ATG4B: variants seen among roughly 807,000 people sequenced by gnomAD.
ATG4B encodes autophagy related 4B cysteine peptidase.
In ATG4B, 29 loss-of-function variants were observed where a neutral mutation model predicts 56.6. That is an observed-to-expected ratio of 0.51 (90% CI 0.38 to 0.70). The LOEUF (loss-of-function observed/expected upper bound fraction) is 0.70. Among genes scored for constraint, ATG4B ranks in the 30% least tolerant of loss-of-function variants. ATG4B has a pLI of 0.00. For synonymous variants in ATG4B, 224 were observed against 206.1 expected (o/e 1.09, Z -0.74); for missense variants, 461 against 515.5 (o/e 0.89, Z 1.02).
chr2:241,653,016 A>G (rs1249108917), intron 3 of ATG4B, among the ~76,000 whole-genome samples: 2 of 152,278 alleles, frequency 1.3e-5, no homozygotes, highest in East Asian at 1.9e-4. Context: ...GCGCAGTTCC[A>G]TGGTGCATGT....
chr2:241,673,150 G>GC lies in ATG4B; in HGVS notation c.*888dup. ...GCCTTGCTGAGAATTGCCCTCCCATGCCGCTGAGGTGTTAGGTGGTTTAGG... is the reference window on the plus strand; with the variant it reads ...GCCTTGCTGAGAATTGCCCTCCCATGCCCGCTGAGGTGTTAGGTGGTTTAGG... On this transcript the variant is annotated 3_prime_UTR_variant, in exon 13 of 13. Transcript: ENST00000404914. 1 of 188,684 alleles carries GC rather than the reference G, an allele frequency of 5.3e-6. No individual in the cohort carries two copies. The highest frequency in any genetic ancestry group is 1.3e-4 in the East Asian group (1 of 7,720). 11.7% of individuals were successfully genotyped at this position (188,684 alleles called of 1,614,324 possible). A position where few individuals can be genotyped will look rare whatever the true frequency, so the allele number is the denominator to read the frequency against.
At position 241,670,751 on chromosome 2, in the gene ATG4B, A is replaced by T; in HGVS notation, c.983A>T (p.Asp328Val). The change falls in exon 11 of 13, where the codon GAC becomes GTC. Residue 328 changes from aspartate to valine, a missense_variant. Asp to Val is a radical substitution (Grantham distance 152). Transcript: ENST00000404914. ...GGGTTTTTCTGTAAGACTGAAGATG[A>T]CTTCAATGATTGGTGCCAGCAAGTC... ...AVGFFCKTED[D>V]FNDWCQQVKK... 1 of 1,611,152 alleles carries T rather than the reference A, an allele frequency of 6.2e-7. No individual in the cohort carries two copies. Among genetic ancestry groups the T allele is most frequent in the Non-Finnish European group, 8.5e-7 (1 of 1,178,648 alleles).
chr2:241,671,280 G>A, intron 11 of ATG4B, 32 bp from the exon 12 acceptor site: 1 of 1,585,578 alleles, frequency 6.3e-7, no homozygotes, highest in Non-Finnish European at 8.6e-7. Flanking sequence ...ACTGGGGTGA[G>A]GCTGCACCTA....
chr2:241,648,038 C>T (rs1415383153), intron 1 of ATG4B, among the ~76,000 whole-genome samples: 1 of 151,956 alleles, frequency 6.6e-6, no homozygotes, highest in Non-Finnish European at 1.5e-5. Context: ...TTCTTGAACC[C>T]GGAAGGTGGA....
At chr2:241,665,185 G>C (rs2068724440) in intron 7 of ATG4B, among the ~76,000 whole-genome samples, 1 of 152,170 alleles carries the variant, frequency 6.6e-6, no homozygotes, top group Non-Finnish European at 1.5e-5. Context: ...TGAGAAATTT[G>C]AGTCCTACAA....
At chr2:241,659,053 A>G (rs1388306583) in intron 6 of ATG4B, 55 bp from the exon 7 acceptor site, 8 of 1,407,832 alleles carry the variant, frequency 5.7e-6, no homozygotes, top group Non-Finnish European at 7.8e-6. Flanking sequence ...AGCTGCAAAG[A>G]TGAACCGTCT....
At chr2:241,648,918 C>T (rs1262588129) in intron 1 of ATG4B, among the ~76,000 whole-genome samples, 4 of 152,196 alleles carry the variant, frequency 2.6e-5, no homozygotes, top group Non-Finnish European at 4.4e-5. Flanking sequence ...ATTTGTGTGC[C>T]TTTGACCCTG....
intron 7 of ATG4B, among the ~76,000 whole-genome samples, chr2:241,660,042 T>C (rs1229560667): frequency 6.6e-6 from 1 of 151,972 alleles, no homozygotes; most frequent in African/African-American, 2.4e-5. Flanking sequence ...ATACAGAAAC[T>C]AGCTGGGCAT....
rs1391933778 is a variant in ATG4B at position 241,637,710 on chromosome 2, G to A, written c.-5G>A. 16 of 1,583,238 alleles carry A rather than the reference G, an allele frequency of 1.0e-5. No homozygotes were observed. The Admixed American group carries it at 2.8e-4, about 28-fold the overall frequency. On this transcript the variant is annotated 5_prime_UTR_variant, in exon 1 of 13. Coordinates refer to ENST00000404914, the MANE Select transcript of ATG4B (RefSeq NM_013325.5). ...CTCGGGTCAGTCGGCGGCCGGACTG[G>A]GAAGATGGACGCAGGTGAGGAGTTG...
At chr2:241,666,868 A>C (rs2068794163) in intron 8 of ATG4B, 30 bp downstream of exon 8, 1 of 1,536,336 alleles carries the variant, frequency 6.5e-7, no homozygotes, top group African/African-American at 1.4e-5. Flanking sequence ...GCTTGCCCTG[A>C]GTCCCCGTCC....
intron 3 of ATG4B, chr2:241,653,242 A>G (rs569784449): frequency 8.4e-7 from 1 of 1,188,034 alleles, no homozygotes; most frequent in Non-Finnish European, 1.2e-6. Context: ...CAGTGTCTTC[A>G]TATGTTTGTC....
In ATG4B at chr2:241,668,304, C is replaced by T. The variant is rs574339920; in HGVS notation, c.811+83C>T. On this transcript the variant is annotated intron_variant, in intron 9 of 12. Transcript: ENST00000404914. This position sits in a 1 kb window ranked among gnomAD's most constrained non-coding sequence, Gnocchi z 4.2. Reference sequence around the variant, plus strand: ...TGAGCAGGTACCACACCCCAGGTGACCACTTGAGGCCACTGGTGGAAAAGC... The same window carrying T: ...TGAGCAGGTACCACACCCCAGGTGATCACTTGAGGCCACTGGTGGAAAAGC... The T allele has an allele frequency of 9.9e-5, 145 of 1,460,464 alleles. No homozygotes were observed. The South Asian group carries it at 1.7e-3, about 17-fold the overall frequency. 90.5% of individuals were successfully genotyped at this position (1,460,464 alleles called of 1,614,324 possible). A position where few individuals can be genotyped will look rare whatever the true frequency, so the allele number is the denominator to read the frequency against.
At chr2:241,647,645 A>G (rs916281738) in intron 1 of ATG4B, among the ~76,000 whole-genome samples, 5 of 145,688 alleles carry the variant, frequency 3.4e-5, no homozygotes, top group African/African-American at 1.3e-4. Flanking sequence ...AAAAAAAAAG[A>G]AAAGAAATTA....
At chr2:241,666,910 A>T in intron 8 of ATG4B, 72 bp downstream of exon 8, 1 of 1,487,936 alleles carries the variant, frequency 6.7e-7, no homozygotes, top group Non-Finnish European at 9.0e-7. Context: ...CTTTCAGCGC[A>T]TCGTCGTCAC....
chr2:241,671,283 T>A, intron 11 of ATG4B, 29 bp from the exon 12 acceptor site: 1 of 1,591,418 alleles, frequency 6.3e-7, no homozygotes, highest in South Asian at 1.1e-5. Flanking sequence ...GGGGTGAGGC[T>A]GCACCTAACG....
At chr2:241,646,241 A>G (rs1575060685) in intron 1 of ATG4B, among the ~76,000 whole-genome samples, 2 of 152,106 alleles carry the variant, frequency 1.3e-5, no homozygotes, top group South Asian at 4.1e-4. Context: ...CCTCAACTTC[A>G]CAGCCGCTCA....
intron 7 of ATG4B, among the ~76,000 whole-genome samples, chr2:241,660,778 A>G (rs561157223): frequency 6.6e-6 from 1 of 152,268 alleles, no homozygotes; most frequent in African/African-American, 2.4e-5. Context: ...ACAATATACT[A>G]TTATACCTTA....
chr2:241,668,569 A>G lies in ATG4B; in HGVS notation c.841A>G (p.Thr281Ala), dbSNP rs1243002966. ...GGAGCTCATCTACCTGGACCCCCAC[A>G]CCACGCAGCCAGCCGTGGAGCCCAC... is the stretch of plus-strand genomic sequence containing the variant. ...GEELIYLDPHTTQPAVEPTDG... is the reference protein window; with the variant it reads ...GEELIYLDPHATQPAVEPTDG... Residue 281 changes from threonine (T) to alanine (A), a missense_variant, in exon 10 of 13, where the codon ACC (threonine) becomes GCC (alanine). Physicochemically the swap from Thr to Ala is moderately conservative, Grantham distance 58 (BLOSUM62 0). Coordinates refer to ENST00000404914, the MANE Select transcript of ATG4B (RefSeq NM_013325.5). This position sits in a 1 kb window ranked among gnomAD's most constrained non-coding sequence, Gnocchi z 4.2. 2 of 1,608,964 alleles carry G rather than the reference A, an allele frequency of 1.2e-6. No individual in the cohort carries two copies. Among genetic ancestry groups the G allele is most frequent in the Non-Finnish European group, 1.7e-6 (2 of 1,179,000 alleles).
chr2:241,639,401 G>C (rs2067813526), intron 1 of ATG4B, among the ~76,000 whole-genome samples: 1 of 152,226 alleles, frequency 6.6e-6, no homozygotes, highest in African/African-American at 2.4e-5. Context: ...TCTGGGGCTG[G>C]CTCCGTCCCC....
Sources: allele counts gnomAD v4.1 joint callset (sites outside exome capture counted in the v4.1 genomes callset), GRCh38; gene constraint gnomAD v4.1.1; non-coding constraint Gnocchi (gnomAD v3.1); transcripts MANE v1.5; gene names NCBI Gene and HGNC (gene_info 2026-07-23, HGNC 2026-07-21).